The following MEIKIN variants were observed in gnomAD, a reference collection of about 807,000 sequenced individuals.
MEIKIN encodes meiosis-specific kinetochore protein.
chr5:131,920,020 C>T (rs1751478345), intron 6 of MEIKIN, among the ~76,000 whole-genome samples: 1 of 152,050 alleles, frequency 6.6e-6, no homozygotes, highest in Admixed American at 6.5e-5. Flanking sequence ...AGAAAATGAA[C>T]TTACATAACT....
intron 11 of MEIKIN, among the ~76,000 whole-genome samples, chr5:131,840,829 T>A (rs1046518845): frequency 2.0e-5 from 3 of 152,236 alleles, no homozygotes; most frequent in African/African-American, 7.2e-5. Flanking sequence ...CTTATCCATA[T>A]TCTGAATTCT....
chr5:131,840,921 C>T (rs754930058), intron 11 of MEIKIN, among the ~76,000 whole-genome samples: 17 of 152,196 alleles, frequency 1.1e-4, no homozygotes, highest in Non-Finnish European at 2.2e-4. Flanking sequence ...AATAAAGGCA[C>T]TCTGGCTTTT....
chr5:131,837,700 T>C (rs1749833892), intron 11 of MEIKIN, among the ~76,000 whole-genome samples: 1 of 152,198 alleles, frequency 6.6e-6, no homozygotes, highest in African/African-American at 2.4e-5. Flanking sequence ...TTTTTGTACA[T>C]TGATTTTGTA....
At chr5:131,943,256 T>C (rs1751904484) in intron 3 of MEIKIN, among the ~76,000 whole-genome samples, 1 of 152,066 alleles carries the variant, frequency 6.6e-6, no homozygotes. Flanking sequence ...AACATGCTAC[T>C]TTTCATCTAT....
At chr5:131,938,521 G>C (rs745671159) in intron 4 of MEIKIN, among the ~76,000 whole-genome samples, 1 of 152,216 alleles carries the variant, frequency 6.6e-6, no homozygotes, top group Middle Eastern at 3.4e-3. Flanking sequence ...GACTTATGGA[G>C]TTGTGTCACC....
In MEIKIN at chr5:131,845,112, C is replaced by G. The variant is rs565829926; in HGVS notation, c.975+6152G>C. ...AGTGAAACCTCATCTCTATTAAAAA[C>G]ACAAAAAATTAGCCAGGCATGGTCG... On this transcript the variant is annotated intron_variant, in intron 11 of 12. Coordinates refer to ENST00000442687, the MANE Select transcript of MEIKIN (RefSeq NM_001303622.2). Among the ~76,000 whole-genome samples the G allele has an allele frequency of 6.6e-5, 10 of 151,346 alleles. No homozygotes were observed. The South Asian group carries it at 1.9e-3, about 29-fold the overall frequency.
At chr5:131,823,980 T>A (rs1184234055) in intron 11 of MEIKIN, among the ~76,000 whole-genome samples, 3 of 152,172 alleles carry the variant, frequency 2.0e-5, no homozygotes, top group African/African-American at 7.2e-5. Flanking sequence ...AGGCAGAGAC[T>A]TCTGTTCTTT....
chr5:131,880,264 A>AC (rs1161105131), intron 8 of MEIKIN, among the ~76,000 whole-genome samples: 10 of 138,328 alleles, frequency 7.2e-5, no homozygotes, highest in Non-Finnish European at 1.4e-4. Context: ...TAATTTTTGT[A>AC]TTTTTTTTTT....
intron 8 of MEIKIN, among the ~76,000 whole-genome samples, chr5:131,890,165 T>G (rs1289735684): frequency 6.6e-6 from 1 of 152,054 alleles, no homozygotes; most frequent in Non-Finnish European, 1.5e-5. Flanking sequence ...AATTCTCTCT[T>G]TTTGTTGTGT....
intron 12 of MEIKIN, among the ~76,000 whole-genome samples, chr5:131,808,665 A>AT (rs763809168): frequency 6.6e-6 from 1 of 152,036 alleles, no homozygotes; most frequent in Non-Finnish European, 1.5e-5. Context: ...TCAGATACTT[A>AT]TTTTTTCAAC....
intron 3 of MEIKIN, among the ~76,000 whole-genome samples, chr5:131,943,357 G>C (rs1230144650): frequency 6.6e-6 from 1 of 152,064 alleles, no homozygotes; most frequent in Admixed American, 6.6e-5. Context: ...AAAAAAACTT[G>C]AAACATGATC....
intron 8 of MEIKIN, among the ~76,000 whole-genome samples, chr5:131,906,626 C>T (rs1354151918): frequency 6.6e-6 from 1 of 152,022 alleles, no homozygotes; most frequent in African/African-American, 2.4e-5. Context: ...AAATGTTCAT[C>T]AATGGTAGAC....
intron 8 of MEIKIN, among the ~76,000 whole-genome samples, chr5:131,894,922 A>C (rs1751007834): frequency 6.6e-6 from 1 of 152,176 alleles, no homozygotes; most frequent in Non-Finnish European, 1.5e-5. Context: ...CCTGGCCAGA[A>C]CTTTCAGCAC....
chr5:131,861,145 C>A (rs1161809933), intron 9 of MEIKIN, among the ~76,000 whole-genome samples: 1 of 151,884 alleles, frequency 6.6e-6, no homozygotes, highest in Non-Finnish European at 1.5e-5. Flanking sequence ...AATCCCAGCA[C>A]TTTGGGAGGC....
At chr5:131,835,605 GT>G (rs201538216) in intron 11 of MEIKIN, among the ~76,000 whole-genome samples, 1 of 150,480 alleles carries the variant, frequency 6.6e-6, no homozygotes. Flanking sequence ...CTTTTTTTTT[GT>G]TTTTTGAGAC....
At chr5:131,889,635 T>A (rs1278667882) in intron 8 of MEIKIN, among the ~76,000 whole-genome samples, 2 of 152,264 alleles carry the variant, frequency 1.3e-5, no homozygotes, top group African/African-American at 4.8e-5. Context: ...GTTTTCTACA[T>A]ATACAATCAT....
chr5:131,925,698 T>C (rs1751576789), intron 5 of MEIKIN, among the ~76,000 whole-genome samples: 1 of 152,186 alleles, frequency 6.6e-6, no homozygotes, highest in African/African-American at 2.4e-5. Flanking sequence ...AGACAGAGTC[T>C]TGCTCTGTCA....
At chr5:131,886,141 C>T (rs1460706005) in intron 8 of MEIKIN, among the ~76,000 whole-genome samples, 1 of 151,966 alleles carries the variant, frequency 6.6e-6, no homozygotes, top group Non-Finnish European at 1.5e-5. Flanking sequence ...GAATAAAAAA[C>T]AACGAAGCAT....
rs567324816 is a variant in MEIKIN, at chr5:131,928,130, C to A, written c.478+5383G>T. Among the ~76,000 whole-genome samples, 420 of 113,832 alleles carry A rather than the reference C, an allele frequency of 3.7e-3. 6 individuals are homozygous for A. Among genetic ancestry groups the A allele is most frequent in the Non-Finnish European group, 3.8e-3 (217 of 57,554 alleles). The allele number at this position is 113,832 out of a possible 152,430, so 74.7% of individuals were successfully genotyped here. A position where few individuals can be genotyped will look rare whatever the true frequency, so the allele number is the denominator to read the frequency against. On this transcript the variant is annotated intron_variant, in intron 5 of 12. Coordinates refer to ENST00000442687, the MANE Select transcript of MEIKIN (RefSeq NM_001303622.2). ...CTGCACTCCAGCCTGGGCGACAGAG[C>A]AAAACTCCGTCTCAAAAAAAAAAAA...
Sources: gnomAD v4.1 joint callset for allele counts (sites outside exome capture counted in the v4.1 genomes callset) on GRCh38, gnomAD v4.1.1 for gene constraint, MANE v1.5 for transcripts, NCBI Gene and HGNC (gene_info 2026-07-23, HGNC 2026-07-21) for gene names.